THSD7B: variants seen among roughly 807,000 people sequenced by gnomAD.
The protein encoded by THSD7B is thrombospondin type 1 domain containing 7B.
In THSD7B, 138 loss-of-function variants were observed where a neutral mutation model predicts 213.6. That is an observed-to-expected ratio of 0.65 (90% confidence interval 0.56 to 0.74). The LOEUF is 0.74. Among genes scored for constraint, THSD7B ranks in the 30% least tolerant of loss-of-function variants. The pLI is 0.00. For missense variants in THSD7B, 1,931 were observed against 1,991.5 expected (o/e 0.97, Z 0.58); for synonymous variants, 742 against 687.0 (o/e 1.08, Z -1.25).
At chr2:137,200,864 CTCCTATGTTGCCCAGACTGGT>C (rs749387619) in intron 7 of THSD7B, among the ~76,000 whole-genome samples, 85,152 of 151,046 alleles carry the variant, frequency 0.56, 24,183 homozygotes, top group South Asian at 0.71. Context: ...GAGATGGGGA[CTCCTATGTTGCCCAGACTGGT>C]CTCCAACTCC....
chr2:137,572,843 G>A (rs1681384518), intron 17 of THSD7B, among the ~76,000 whole-genome samples: 2 of 152,094 alleles, frequency 1.3e-5, no homozygotes, highest in South Asian at 2.1e-4. Context: ...CACCCATTGT[G>A]AAAGGAGTCT....
chr2:136,878,709 G>A lies in THSD7B; in HGVS notation c.-35-3435G>A, dbSNP rs1683566770. On this transcript the variant is annotated intron_variant, in intron 1 of 27. Transcript: ENST00000409968. ...TTTCATGTCTCTTGGCTGCATAAATGTCTTCTTTTGAGAAGTGTCTGTTCA... is the reference window on the plus strand; with the variant it reads ...TTTCATGTCTCTTGGCTGCATAAATATCTTCTTTTGAGAAGTGTCTGTTCA... Among the ~76,000 whole-genome samples the A allele has an allele frequency of 2.0e-5, 3 of 152,194 alleles. No homozygotes were observed. The South Asian group carries it at 6.2e-4, about 31-fold the overall frequency.
At chr2:137,133,776 T>A in intron 5 of THSD7B, among the ~76,000 whole-genome samples, 2 of 152,238 alleles carry the variant, frequency 1.3e-5, no homozygotes, top group African/African-American at 4.8e-5. Flanking sequence ...GGACTATCAT[T>A]TCAACATAAA....
At chr2:137,577,963 G>T (rs1030515867) in intron 17 of THSD7B, among the ~76,000 whole-genome samples, 11 of 152,184 alleles carry the variant, frequency 7.2e-5, no homozygotes, top group African/African-American at 2.7e-4. Context: ...AAAAGTGATG[G>T]AATATCATTG....
chr2:137,109,931 G>T (rs1688318559), intron 4 of THSD7B, among the ~76,000 whole-genome samples: 1 of 152,080 alleles, frequency 6.6e-6, no homozygotes, highest in Non-Finnish European at 1.5e-5. Context: ...TGACCCACCT[G>T]TCTTAACCAC....
rs182519454 is a variant in THSD7B, at chr2:137,435,499, C to T, written c.2960-15346C>T. 6.6e-5 allele frequency among the ~76,000 whole-genome samples: 10 copies of T among 152,208 alleles called. No individual in the cohort carries two copies. The East Asian group carries it at 1.4e-3, about 21-fold the overall frequency. Reference sequence around the variant, plus strand: ...AAGATACTGTTTTCTCCATTCCAGCCCCACCCAATGTCCACTGCAGGGCTT... The same window carrying T: ...AAGATACTGTTTTCTCCATTCCAGCTCCACCCAATGTCCACTGCAGGGCTT... On this transcript the variant is annotated intron_variant, in intron 14 of 27. Transcript: ENST00000409968.
intron 3 of THSD7B, among the ~76,000 whole-genome samples, chr2:137,086,996 G>A (rs1323291483): frequency 1.3e-5 from 2 of 152,142 alleles, no homozygotes; most frequent in East Asian, 1.9e-4. Context: ...CACAACCAAA[G>A]GTCCCACTAA....
At chr2:137,185,991 G>C (rs964484503) in intron 7 of THSD7B, among the ~76,000 whole-genome samples, 1 of 152,146 alleles carries the variant, frequency 6.6e-6, no homozygotes, top group African/African-American at 2.4e-5. Flanking sequence ...GATTAGTGAT[G>C]TTGAGCATTT....
chr2:137,612,960 G>T (rs756690228), intron 17 of THSD7B, among the ~76,000 whole-genome samples: 1 of 152,066 alleles, frequency 6.6e-6, no homozygotes, highest in Non-Finnish European at 1.5e-5. Flanking sequence ...CCAGCTACTT[G>T]GAAGGAAGAG....
intron 5 of THSD7B, among the ~76,000 whole-genome samples, chr2:137,125,144 A>G (rs942272541): frequency 6.6e-6 from 1 of 152,096 alleles, no homozygotes; most frequent in African/African-American, 2.4e-5. Flanking sequence ...CCCCACACCC[A>G]TCTCAGAGTC....
At chr2:136,995,417 A>C (rs1242194425) in intron 2 of THSD7B, among the ~76,000 whole-genome samples, 1 of 152,196 alleles carries the variant, frequency 6.6e-6, no homozygotes, top group African/African-American at 2.4e-5. Context: ...TGCTTCTCCA[A>C]GATCAAGCTC....
intron 5 of THSD7B, among the ~76,000 whole-genome samples, chr2:137,143,634 C>T (rs1381106817): frequency 6.6e-6 from 1 of 152,134 alleles, no homozygotes; most frequent in African/African-American, 2.4e-5. Context: ...GGCACTTTCA[C>T]ACTGTGTCTA....
chr2:137,618,643 G>T (rs1573746612), intron 19 of THSD7B, 136 bp downstream of exon 19: 2 of 732,022 alleles, frequency 2.7e-6, no homozygotes, highest in Non-Finnish European at 2.2e-6. Context: ...AGTAAGCGGT[G>T]CCAGTATAGT....
chr2:137,517,327 G>A (rs1448378290), intron 15 of THSD7B, among the ~76,000 whole-genome samples: 1 of 152,212 alleles, frequency 6.6e-6, no homozygotes, highest in Non-Finnish European at 1.5e-5. Flanking sequence ...GATCCAGTGA[G>A]CAAGAAGTAA....
At chr2:137,624,913 G>A (rs1682594034) in intron 20 of THSD7B, among the ~76,000 whole-genome samples, 1 of 152,244 alleles carries the variant, frequency 6.6e-6, no homozygotes, top group Admixed American at 6.5e-5. Context: ...GGAAGACAGT[G>A]TGGTGATCCC....
intron 5 of THSD7B, among the ~76,000 whole-genome samples, chr2:137,132,053 C>T (rs1294371725): frequency 1.3e-5 from 2 of 149,306 alleles, no homozygotes; most frequent in African/African-American, 4.9e-5. Flanking sequence ...TCTTTTATTT[C>T]ATTGAGCAGT....
At chr2:137,365,208 A>T (rs1234635250) in intron 12 of THSD7B, among the ~76,000 whole-genome samples, 1 of 152,216 alleles carries the variant, frequency 6.6e-6, no homozygotes, top group East Asian at 1.9e-4. Flanking sequence ...CTGAAACTGG[A>T]TCTCTTCCTT....
At chr2:137,366,419 A>C (rs1264482598) in intron 12 of THSD7B, among the ~76,000 whole-genome samples, 1 of 152,004 alleles carries the variant, frequency 6.6e-6, no homozygotes, top group South Asian at 2.1e-4. Flanking sequence ...TTTAAGCCTC[A>C]GTTTTCTCTC....
intron 12 of THSD7B, among the ~76,000 whole-genome samples, chr2:137,400,250 T>G (rs1334280905): frequency 6.6e-6 from 1 of 152,218 alleles, no homozygotes; most frequent in Non-Finnish European, 1.5e-5. Flanking sequence ...CATCTATTGC[T>G]GGTGGAGGAT....
Sources: allele counts gnomAD v4.1 joint callset (sites outside exome capture counted in the v4.1 genomes callset), GRCh38; gene constraint gnomAD v4.1.1; transcripts MANE v1.5; gene names NCBI Gene and HGNC (gene_info 2026-07-23, HGNC 2026-07-21).